The following KIF14 variants were observed in gnomAD, a reference collection of about 807,000 sequenced individuals.
KIF14 encodes kinesin-like protein KIF14.
In KIF14, 98 loss-of-function variants were observed where a neutral mutation model predicts 176.2. That is an observed-to-expected ratio of 0.56 (90% CI 0.47 to 0.66). The LOEUF is 0.66. Ranked by LOEUF, KIF14 falls within the 30% of genes least tolerant of loss-of-function variation. KIF14 has a pLI of 0.00. For synonymous variants in KIF14, 566 were observed against 632.2 expected, an observed-to-expected ratio of 0.90 and a Z score of 1.57; for missense variants, 1,751 against 1,920.4, an observed-to-expected ratio of 0.91 and a Z score of 1.65.
intron 21 of KIF14, among the ~76,000 whole-genome samples, chr1:200,577,155 CAAA>C (rs35218358): frequency 0.51 from 70,214 of 137,634 alleles, 17,623 homozygotes; most frequent in Middle Eastern, 0.61. Flanking sequence ...ACTAAAAATA[CAAA>C]AAAAAAAAAA....
chr1:200,617,769 T>G lies in KIF14; in HGVS notation c.955A>C (p.Ser319Arg). ...SNLQVKQRPKSSFLANKQERS... is the reference protein window; with the variant it reads ...SNLQVKQRPKRSFLANKQERS... Reference sequence around the variant, plus strand: ...TCCTGTTTATTTGCAAGAAAGGAACTTTTTGGTCTTTGTTTAACTTGAAGG... The same window carrying G: ...TCCTGTTTATTTGCAAGAAAGGAACGTTTTGGTCTTTGTTTAACTTGAAGG... The change falls in exon 2 of 30, where the codon AGT becomes CGT. Residue 319 changes from serine (S) to arginine (R), a missense_variant. Ser to Arg is a moderately radical substitution (Grantham distance 110). Transcript: ENST00000367350. 1 of 1,614,186 alleles carries G rather than the reference T, an allele frequency of 6.2e-7. No individual in the cohort carries two copies. The highest frequency in any genetic ancestry group is 8.5e-7 in the Non-Finnish European group (1 of 1,180,016).
intron 28 of KIF14, 55 bp downstream of exon 28, chr1:200,555,325 C>A: frequency 9.0e-7 from 1 of 1,107,866 alleles, no homozygotes; most frequent in Non-Finnish European, 1.3e-6. Flanking sequence ...ACATTTGAAC[C>A]AAGTGAAATG....
chr1:200,620,031 A>G (rs1301365327), intron 1 of KIF14, among the ~76,000 whole-genome samples: 2 of 152,210 alleles, frequency 1.3e-5, no homozygotes, highest in Non-Finnish European at 2.9e-5. Context: ...ACTATTGCAA[A>G]GATTATTGCT....
chr1:200,616,877 A>G (rs1166175931), intron 2 of KIF14, among the ~76,000 whole-genome samples: 1 of 152,192 alleles, frequency 6.6e-6, no homozygotes, highest in Non-Finnish European at 1.5e-5. Context: ...CTGCATTTAT[A>G]ACTACTATAT....
At chr1:200,613,684 C>T (rs1409902559) in intron 4 of KIF14, among the ~76,000 whole-genome samples, 1 of 151,986 alleles carries the variant, frequency 6.6e-6, no homozygotes, top group Non-Finnish European at 1.5e-5. Context: ...AGATTTTTAG[C>T]AAGTGTGTAC....
At chr1:200,589,173 G>T in intron 18 of KIF14, 44 bp downstream of exon 18, 4 of 1,497,350 alleles carry the variant, frequency 2.7e-6, no homozygotes, top group Non-Finnish European at 3.6e-6. Context: ...AAAAAATCCA[G>T]CTTTTTCTCA....
At chr1:200,553,855 A>G (rs1438224088) in intron 29 of KIF14, 88 bp from the exon 30 acceptor site, 4 of 1,298,350 alleles carry the variant, frequency 3.1e-6, no homozygotes, top group Non-Finnish European at 4.2e-6. Flanking sequence ...GATATCTTTT[A>G]AGTCAAAGTG....
In KIF14 at chr1:200,559,372, T is replaced by C; in HGVS notation, c.4311A>G (p.Lys1437=). ...GCCTAAAGAGTTCATGCTGAAGTTCTTTTGCTTTTTCCAGTCCAGAATCTA... is the reference window on the plus strand; with the variant it reads ...GCCTAAAGAGTTCATGCTGAAGTTCCTTTGCTTTTTCCAGTCCAGAATCTA... ...ILLDSGLEKA[K]ELQHELFRQC... The change falls in exon 27 of 30, where the codon AAA becomes AAG. Residue 1437 remains lysine, a synonymous_variant. Coordinates refer to ENST00000367350, the MANE Select transcript of KIF14 (RefSeq NM_014875.3). 6.3e-7 allele frequency: 1 copy of C among 1,592,936 alleles called. No individual in the cohort carries two copies. The highest frequency in any genetic ancestry group is 8.6e-7 in the Non-Finnish European group (1 of 1,169,248).
chr1:200,618,028 T>C lies in KIF14; in HGVS notation c.696A>G (p.Ser232=), dbSNP rs1199004536. 6.2e-7 allele frequency: 1 copy of C among 1,614,220 alleles called. No homozygotes were observed. The highest frequency in any genetic ancestry group is 8.5e-7 in the Non-Finnish European group (1 of 1,180,032). The change falls in exon 2 of 30, where the codon TCA becomes TCG. Residue 232 remains serine, a synonymous_variant. Transcript: ENST00000367350. The part of the protein sequence containing the change: ...ASLSQTEVVR[S]GHLTTKPTQS... ...GAGTAGGTTTCGTTGTCAAGTGTCCTGATCTAACAACTTCAGTCTGACTCA... is the reference window on the plus strand; with the variant it reads ...GAGTAGGTTTCGTTGTCAAGTGTCCCGATCTAACAACTTCAGTCTGACTCA...
At chr1:200,585,507 T>A (rs1241650852) in intron 19 of KIF14, among the ~76,000 whole-genome samples, 9 of 152,192 alleles carry the variant, frequency 5.9e-5, no homozygotes, top group Admixed American at 1.3e-4. Context: ...ATATATTTTT[T>A]AAAAACATGC....
chr1:200,557,037 C>T (rs1328567592), intron 27 of KIF14, among the ~76,000 whole-genome samples: 1 of 152,206 alleles, frequency 6.6e-6, no homozygotes, highest in Non-Finnish European at 1.5e-5. Context: ...CAGAGTCTTG[C>T]TCTGTTGCCA....
In KIF14 at chr1:200,551,515, G is replaced by T. The variant is rs1412719402; in HGVS notation, c.*1873C>A. 2 of 152,162 alleles carry T rather than the reference G, an allele frequency of 1.3e-5. No homozygotes were observed. The highest frequency in any genetic ancestry group is 1.9e-4 in the East Asian group (1 of 5,200). 9.4% of individuals were successfully genotyped at this position (152,162 alleles called of 1,614,324 possible). A position where few individuals can be genotyped will look rare whatever the true frequency, so the allele number is the denominator to read the frequency against. On this transcript the variant is annotated 3_prime_UTR_variant, in exon 30 of 30. Coordinates refer to ENST00000367350, the MANE Select transcript of KIF14 (RefSeq NM_014875.3). Reference sequence around the variant, plus strand: ...CACGAAGCAATTCTAATGCTGAAAAGATTTATTAAAGGCATTCTCTTTATA... The same window carrying T: ...CACGAAGCAATTCTAATGCTGAAAATATTTATTAAAGGCATTCTCTTTATA...
intron 20 of KIF14, among the ~76,000 whole-genome samples, chr1:200,580,924 C>T (rs1374704203): frequency 1.3e-5 from 2 of 151,866 alleles, no homozygotes; most frequent in Non-Finnish European, 2.9e-5. Flanking sequence ...GCCTGGCCAA[C>T]GTGGTGAAAC....
In KIF14 at chr1:200,553,240, A is replaced by G; in HGVS notation, c.*148T>C. 1 of 866,106 alleles carries G rather than the reference A, an allele frequency of 1.2e-6. No individual in the cohort carries two copies. The highest frequency in any genetic ancestry group is 2.2e-5 in the South Asian group (1 of 45,324). 53.7% of individuals were successfully genotyped at this position (866,106 alleles called of 1,614,324 possible). ...CGTGAGCCACTGTGTCTGGCCTTTG[A>G]TAAATAGATATTTTAAAGATAAAAA... On this transcript the variant is annotated 3_prime_UTR_variant, in exon 30 of 30. Transcript: ENST00000367350.
intron 25 of KIF14, 54 bp downstream of exon 25, chr1:200,565,015 C>A: frequency 7.2e-7 from 1 of 1,390,782 alleles, no homozygotes; most frequent in Non-Finnish European, 1.0e-6. Context: ...AGTAGAAAGC[C>A]AATAAATAAT....
Position 200,552,433 on chromosome 1 carries a change from T to C in KIF14, c.*955A>G, listed in dbSNP as rs1656584251. The C allele has an allele frequency of 6.6e-6, 1 of 152,128 alleles. No homozygotes were observed. The highest frequency in any genetic ancestry group is 2.4e-5 in the African/African-American group (1 of 41,442). 9.4% of individuals were successfully genotyped at this position (152,128 alleles called of 1,614,324 possible). A position where few individuals can be genotyped will look rare whatever the true frequency, so the allele number is the denominator to read the frequency against. On this transcript the variant is annotated 3_prime_UTR_variant, in exon 30 of 30. Transcript: ENST00000367350. ...TATACCTTTAACAAAACAAGCATTA[T>C]CAAGAGAAGGTCCAGCCTCTGATCT...
chr1:200,598,279 T>C lies in KIF14; in HGVS notation c.2507A>G (p.His836Arg). Residue 836 changes from histidine to arginine, a missense_variant, in exon 14 of 30, where the codon CAT becomes CGT. Coordinates refer to ENST00000367350, the MANE Select transcript of KIF14 (RefSeq NM_014875.3). ...CAGCACCCCAGATAACTGAATATCATGGCTTGAGTTTGGTTTATACTTTCC... is the reference window on the plus strand; with the variant it reads ...CAGCACCCCAGATAACTGAATATCACGGCTTGAGTTTGGTTTATACTTTCC... ...TVGKYKPNSSHDIQLSGVLIA... is the reference protein window; with the variant it reads ...TVGKYKPNSSRDIQLSGVLIA... The C allele has an allele frequency of 6.2e-7, 1 of 1,613,434 alleles. No homozygotes were observed. The highest frequency in any genetic ancestry group is 2.2e-5 in the East Asian group (1 of 44,754).
chr1:200,582,251 G>A, intron 19 of KIF14, among the ~76,000 whole-genome samples: 1 of 152,058 alleles, frequency 6.6e-6, no homozygotes, highest in Non-Finnish European at 1.5e-5. Context: ...GCATGCACCT[G>A]TAGTCCTAGC....
chr1:200,566,459 G>A lies in KIF14; in HGVS notation c.3662-790C>T, dbSNP rs546802203. On this transcript the variant is annotated intron_variant, in intron 23 of 29. Coordinates refer to ENST00000367350, the MANE Select transcript of KIF14 (RefSeq NM_014875.3). ...TACAAAAAAATTAGCTGGGCGTGGT[G>A]GCACACGCCTGTAGTTCCAGCTACC... Among the ~76,000 whole-genome samples the A allele has an allele frequency of 1.9e-3, 289 of 151,906 alleles. 3 individuals carry two copies. Among genetic ancestry groups the A allele is most frequent in the African/African-American group, 6.5e-3 (269 of 41,482 alleles).
Sources: allele counts gnomAD v4.1 joint callset (sites outside exome capture counted in the v4.1 genomes callset), GRCh38; gene constraint gnomAD v4.1.1; transcripts MANE v1.5; gene names NCBI Gene and HGNC (gene_info 2026-07-23, HGNC 2026-07-21).